The following PGAP6 variants were observed in gnomAD, a reference collection of about 807,000 sequenced individuals.
PGAP6 encodes the protein post-GPI attachment to proteins factor 6.
PGAP6 carries 62 observed loss-of-function variants against 68.4 expected under a neutral mutation model. The observed-to-expected ratio is 0.91, with a 90% CI of 0.74 to 1.12. The LOEUF (loss-of-function observed/expected upper bound fraction) is 1.12, where lower values mean the gene tolerates loss of function less well. Ranked by LOEUF, PGAP6 falls within the 50% of genes most tolerant of loss-of-function variation. PGAP6 has a pLI of 0.00. For synonymous variants in PGAP6, 575 were observed against 474.0 expected (o/e 1.21, Z -2.77); for missense variants, 1,188 against 1,068.5 (o/e 1.11, Z -1.56).
upstream of PGAP6, among the ~76,000 whole-genome samples, chr16:384,937 C>G (rs139457713): frequency 6.6e-6 from 1 of 151,264 alleles, no homozygotes; most frequent in Non-Finnish European, 1.5e-5. Flanking sequence ...CTAAGGTGGG[C>G]GGGTCACCTG....
At chr16:377,894 G>A (rs953165806) in intron 1 of PGAP6, 46 bp from the exon 2 acceptor site, 6 of 1,487,284 alleles carry the variant, frequency 4.0e-6, no homozygotes, top group Non-Finnish European at 4.5e-6. Context: ...CCTCCTCCAG[G>A]GCCGCAGATG....
At chr16:385,736 T>G (rs540852966), upstream of PGAP6, among the ~76,000 whole-genome samples, 205 of 148,532 alleles carry the variant, frequency 1.4e-3, 2 homozygotes, top group African/African-American at 4.9e-3. Context: ...GCCATTCTCC[T>G]GCCTCAGCCT....
At chr16:377,944 C>T (rs2054401957) in intron 1 of PGAP6, 96 bp from the exon 2 acceptor site, 2 of 1,132,088 alleles carry the variant, frequency 1.8e-6, no homozygotes, top group African/African-American at 1.6e-5. Context: ...CTGGAAGCCC[C>T]CGGGGACCCA....
rs377511221 is a variant in PGAP6 at position 375,163 on chromosome 16, G to A, written c.1409C>T (p.Ser470Phe). Residue 470 changes from serine to phenylalanine, a missense_variant, in exon 8 of 13, where the codon TCC becomes TTC. Transcript: ENST00000431232. ...ATTCTCAGGGCACATGAGCTGCAGG[G>A]AGAGGTACCAGTTGTCTGTCTCTGG... ...PYPETDNWYL[S>F]LQLMCPENAE... is the part of the protein sequence containing the mutation. The A allele has an allele frequency of 1.9e-6, 3 of 1,613,368 alleles. No individual in the cohort carries two copies. The highest frequency in any genetic ancestry group is 1.1e-5 in the South Asian group (1 of 91,092).
Position 376,644 on chromosome 16 carries a change from C to T in PGAP6, c.804G>A (p.Leu268=). Residue 268 remains leucine, a synonymous_variant, in exon 5 of 13, where the codon CTG becomes CTA. Coordinates refer to ENST00000431232, the MANE Select transcript of PGAP6 (RefSeq NM_021259.3). ...ACCGGTCCCAGGGCGGTGAGGGCAGCAGCAGGCGGCAGGGCCAGGGGGCAC... is the reference window on the plus strand; with the variant it reads ...ACCGGTCCCAGGGCGGTGAGGGCAGTAGCAGGCGGCAGGGCCAGGGGGCAC... ...CTGAPWPCRL[L]LPSPPWDRWL... 1.2e-6 allele frequency: 2 copies of T among 1,606,826 alleles called. No individual in the cohort carries two copies. The highest frequency in any genetic ancestry group is 1.7e-6 in the Non-Finnish European group (2 of 1,176,978).
chr16:385,264 C>T (rs944376451), upstream of PGAP6, among the ~76,000 whole-genome samples: 1 of 151,278 alleles, frequency 6.6e-6, no homozygotes, highest in African/African-American at 2.4e-5. Context: ...AACCTGGGCG[C>T]TCCATGAGGG....
intron 9 of PGAP6, 141 bp downstream of exon 9, chr16:374,614 TG>T: frequency 8.2e-7 from 1 of 1,220,516 alleles, no homozygotes; most frequent in Non-Finnish European, 1.1e-6. Context: ...AATGGGGGAG[TG>T]GGGAGGAGGC....
At chr16:382,003 G>A, upstream of PGAP6, 1 of 936,578 alleles carries the variant, frequency 1.1e-6, no homozygotes, top group African/African-American at 1.8e-5. Flanking sequence ...CCGCCCCGCA[G>A]GCCGAGCCGG....
Position 376,354 on chromosome 16 carries a change from G to C in PGAP6, c.1006C>G (p.Gln336Glu). Residue 336 changes from glutamine to glutamate, a missense_variant, in exon 6 of 13, where the codon CAG becomes GAG. Transcript: ENST00000431232. ...SGLLSPSPDH[Q>E]DLGRSGRVDR... Reference sequence around the variant, plus strand: ...ACCCTGCCACTCCTGCCCAGGTCCTGGTGGTCGGGGCTCGGGGACAGCAGA... The same window carrying C: ...ACCCTGCCACTCCTGCCCAGGTCCTCGTGGTCGGGGCTCGGGGACAGCAGA... The C allele has an allele frequency of 6.2e-7, 1 of 1,612,388 alleles. No homozygotes were observed. The highest frequency in any genetic ancestry group is 1.1e-5 in the South Asian group (1 of 91,076).
rs1423419484 is a variant in PGAP6, at chr16:377,674, G to A, written c.296C>T (p.Thr99Ile). Residue 99 changes from threonine (T) to isoleucine (I), a missense_variant, in exon 2 of 13, where the codon ACC (threonine) becomes ATC (isoleucine). By Grantham distance (89) the Thr-to-Ile change is moderately conservative (BLOSUM62 -1). Transcript: ENST00000431232. ...AGGCGGGCGGGCAGCCACCTACACG[G>A]TGATCTCCGCGTCGGTGCAGGCAGC... ...SGAACTDAEI[T>I]VHFRSGAPPV... 5 of 1,581,820 alleles carry A rather than the reference G, an allele frequency of 3.2e-6. No individual in the cohort carries two copies. The highest frequency in any genetic ancestry group is 3.6e-5 in the Admixed American group (2 of 54,936).
rs772828593 is a variant in PGAP6 at position 371,977 on chromosome 16, C to T, written c.*10G>A. 1.2e-6 allele frequency: 2 copies of T among 1,608,000 alleles called. No individual in the cohort carries two copies. On this transcript the variant is annotated 3_prime_UTR_variant, in exon 13 of 13. Coordinates refer to ENST00000431232, the MANE Select transcript of PGAP6 (RefSeq NM_021259.3). ...AGGTCATCAGAGCAGCAGCTGTCCC[C>T]AGGCCAGTGTCACGTCACTGCGTAC...
In PGAP6 at chr16:376,250, G is replaced by A. The variant is rs778453283; in HGVS notation, c.1110C>T (p.Pro370=). Residue 370 remains proline, a synonymous_variant, in exon 6 of 13, where the codon CCC becomes CCT. Coordinates refer to ENST00000431232, the MANE Select transcript of PGAP6 (RefSeq NM_021259.3). ...DMDVVSVHFQ[P]LDRVSVRVCS... Reference sequence around the variant, plus strand: ...ACACCCTCACCGAGACCCTGTCCAGGGGCTGGAAGTGCACCGACACCACGT... The same window carrying A: ...ACACCCTCACCGAGACCCTGTCCAGAGGCTGGAAGTGCACCGACACCACGT... 2.5e-6 allele frequency: 4 copies of A among 1,612,834 alleles called. No homozygotes were observed. The highest frequency in any genetic ancestry group is 2.2e-5 in the East Asian group (1 of 44,884).
chr16:377,503 GGAA>G lies in PGAP6; in HGVS notation c.379_381del (p.Phe127del). 6.2e-7 allele frequency: 1 copy of G among 1,603,906 alleles called. No individual in the cohort carries two copies. Among genetic ancestry groups the G allele is most frequent in the Non-Finnish European group, 8.5e-7 (1 of 1,175,924 alleles). ...GTGGTGCTCAGCGGCACCCCGACCTGGAAGGAGGGCTGTACCGCGGTGTCGTCC... is the reference window on the plus strand; with the variant it reads ...GTGGTGCTCAGCGGCACCCCGACCTGGGAGGGCTGTACCGCGGTGTCGTCC... On this transcript the variant is annotated inframe_deletion, in exon 3 of 13. Coordinates refer to ENST00000431232, the MANE Select transcript of PGAP6 (RefSeq NM_021259.3).
Position 376,439 on chromosome 16 carries a change from G to C in PGAP6, c.921C>G (p.Ser307Arg), listed in dbSNP as rs761256568. 3.2e-6 allele frequency: 5 copies of C among 1,567,936 alleles called. No individual in the cohort carries two copies. The African/African-American group carries it at 6.7e-5, about 21-fold the overall frequency. ...VAALTACRPRSVTIQPLLQSS... is the reference protein window; with the variant it reads ...VAALTACRPRRVTIQPLLQSS... The stretch of plus-strand genomic sequence containing the variant: ...TCTGCAGAAGGGGCTGGATGGTCAC[G>C]CTCCGTGGCCTGCAAGCTGCCGAGA... Residue 307 changes from serine to arginine, a missense_variant, in exon 6 of 13, where the codon AGC becomes AGG. By Grantham distance (110) the Ser-to-Arg change is moderately radical. Transcript: ENST00000431232.
In PGAP6 at chr16:377,362, G is replaced by C; in HGVS notation, c.507+16C>G. ...CAAGGTTCTCTGCCTCCATCCCGGA[G>C]GGCAGCCCCCCTCACCTTCAACTCG... On this transcript the variant is annotated intron_variant, in intron 3 of 12. Transcript: ENST00000431232. 6.3e-7 allele frequency: 1 copy of C among 1,575,160 alleles called. No homozygotes were observed. The highest frequency in any genetic ancestry group is 8.6e-7 in the Non-Finnish European group (1 of 1,158,146).
upstream of PGAP6, among the ~76,000 whole-genome samples, chr16:382,679 C>T (rs1396242489): frequency 6.7e-6 from 1 of 149,356 alleles, no homozygotes; most frequent in Non-Finnish European, 1.5e-5. Context: ...AAGCTTTTTC[C>T]GTCTTAGGGC....
chr16:374,477 A>G (rs1219298223), intron 9 of PGAP6, 78 bp from the exon 10 acceptor site: 34 of 1,412,184 alleles, frequency 2.4e-5, no homozygotes, highest in South Asian at 1.4e-4. Context: ...AGGACCCTGC[A>G]GAGAAGCCCC....
upstream of PGAP6, chr16:386,748 T>C (rs549729862): frequency 1.5e-4 from 64 of 432,932 alleles, 1 homozygote; most frequent in East Asian, 3.0e-3. Flanking sequence ...AAAAAAAAAT[T>C]GGCCTTTTCA....
At position 374,230 on chromosome 16, in the gene PGAP6, G is replaced by C. The variant is rs370818081; in HGVS notation, c.1746C>G (p.Phe582Leu). Residue 582 changes from phenylalanine (F) to leucine (L), a missense_variant, in exon 10 of 13, where the codon TTC becomes TTG. Physicochemically the swap from Phe to Leu is conservative, Grantham distance 22. Transcript: ENST00000431232. ...GGAGGGGCCAGCCTACCGTGGAGAA[G>C]AACATGGTGTAGGCGTAGACGGAGG... ...VEASVYAYTM[F>L]FSTFYHACDQ... The C allele has an allele frequency of 6.2e-7, 1 of 1,609,884 alleles. No individual in the cohort carries two copies.
Sources: gnomAD v4.1 joint callset for allele counts (sites outside exome capture counted in the v4.1 genomes callset) on GRCh38, gnomAD v4.1.1 for gene constraint, MANE v1.5 for transcripts, NCBI Gene and HGNC (gene_info 2026-07-23, HGNC 2026-07-21) for gene names.